PIGB: variants seen among roughly 807,000 people sequenced by gnomAD.
PIGB encodes GPI alpha-1,2-mannosyltransferase 3.
Under a neutral mutation model 68.4 loss-of-function variants are expected in PIGB, and 58 were observed. The ratio of observed to expected loss-of-function variants is 0.85; its 90% confidence interval spans 0.69 to 1.06. The LOEUF is 1.06. Among genes scored for constraint, PIGB ranks in the 50% least tolerant of loss-of-function variants. The pLI, the probability that PIGB is intolerant of heterozygous loss-of-function variation, is 0.00. For synonymous variants in PIGB, 219 were observed against 220.5 expected, an observed-to-expected ratio of 0.99 and a Z score of 0.06; for missense variants, 634 against 655.8, an observed-to-expected ratio of 0.97 and a Z score of 0.36.
intron 10 of PIGB, 162 bp from the exon 11 acceptor site, chr15:55,354,636 T>TA (rs1400788678): frequency 3.3e-6 from 2 of 604,830 alleles, no homozygotes; most frequent in South Asian, 2.4e-5. Context: ...ATGTTTTTTT[T>TA]ATCTTTGAGA....
chr15:55,327,234 A>G (rs2055312990), intron 3 of PIGB, among the ~76,000 whole-genome samples: 1 of 147,678 alleles, frequency 6.8e-6, no homozygotes, highest in South Asian at 2.1e-4. Flanking sequence ...ATATATTTAT[A>G]TTTATAATAT....
chr15:55,324,862 T>C (rs1349783642), intron 3 of PIGB: 2 of 937,828 alleles, frequency 2.1e-6, no homozygotes, highest in Non-Finnish European at 1.3e-6. Flanking sequence ...TTTTCCTGTA[T>C]TTTACAGGGC....
intron 5 of PIGB, among the ~76,000 whole-genome samples, chr15:55,330,722 G>A (rs981147476): frequency 8.5e-5 from 13 of 152,134 alleles, no homozygotes; most frequent in African/African-American, 3.1e-4. Context: ...AACTTCTTTT[G>A]TAATAGCAGT....
intron 8 of PIGB, among the ~76,000 whole-genome samples, chr15:55,341,253 G>A (rs1479170982): frequency 6.6e-6 from 1 of 152,118 alleles, no homozygotes; most frequent in Admixed American, 6.5e-5. Flanking sequence ...CCTAGCTATT[G>A]GGGAAGCTGA....
At chr15:55,341,504 G>A (rs2141201586) in intron 8 of PIGB, among the ~76,000 whole-genome samples, 1 of 152,242 alleles carries the variant, frequency 6.6e-6, no homozygotes, top group Admixed American at 6.5e-5. Context: ...TTTTTAGAAT[G>A]TAACTGTACT....
chr15:55,350,545 T>G, intron 9 of PIGB, 154 bp from the exon 10 acceptor site: 1 of 624,788 alleles, frequency 1.6e-6, no homozygotes, highest in South Asian at 1.9e-5. Flanking sequence ...TAGTGAATGG[T>G]GAATGGTCAG....
intron 3 of PIGB, 38 bp downstream of exon 3, chr15:55,321,428 C>T (rs2055160443): frequency 6.6e-7 from 1 of 1,525,242 alleles, no homozygotes; most frequent in Non-Finnish European, 8.8e-7. Flanking sequence ...ATATTGGGGC[C>T]ATGGAATTTG....
chr15:55,323,997 C>T (rs1002416416), intron 3 of PIGB, among the ~76,000 whole-genome samples: 2 of 152,188 alleles, frequency 1.3e-5, no homozygotes, highest in African/African-American at 4.8e-5. Flanking sequence ...AAGTGATTCT[C>T]CTGCCTCAGC....
intron 9 of PIGB, among the ~76,000 whole-genome samples, chr15:55,347,300 C>G (rs909362893): frequency 7.9e-5 from 12 of 152,166 alleles, no homozygotes; most frequent in African/African-American, 1.2e-4. Flanking sequence ...GCGGCAGGCA[C>G]CTGTAATCCC....
intron 5 of PIGB, 89 bp downstream of exon 5, chr15:55,329,943 C>G: frequency 1.1e-6 from 1 of 906,262 alleles, no homozygotes; most frequent in Non-Finnish European, 1.6e-6. Flanking sequence ...TAGTAGACCC[C>G]CTAATTTTCA....
intron 3 of PIGB, among the ~76,000 whole-genome samples, chr15:55,325,269 T>C (rs1244264779): frequency 6.6e-6 from 1 of 152,040 alleles, no homozygotes; most frequent in African/African-American, 2.4e-5. Context: ...GAGGTTGCCA[T>C]GAGCCAAGAT....
intron 10 of PIGB, among the ~76,000 whole-genome samples, chr15:55,353,819 G>C (rs1475947077): frequency 1.3e-5 from 2 of 151,742 alleles, no homozygotes; most frequent in African/African-American, 4.8e-5. Flanking sequence ...TGGCCAGGCT[G>C]GTCTTGAACT....
chr15:55,330,803 T>C lies in PIGB; in HGVS notation c.653+949T>C, dbSNP rs530905470. On this transcript the variant is annotated intron_variant, in intron 5 of 11. Transcript: ENST00000164305. ...TTAAAATTCTAGTATCCATTCTTCCTACACAAAAGGTTGTTAGGATGATCA... is the reference window on the plus strand; with the variant it reads ...TTAAAATTCTAGTATCCATTCTTCCCACACAAAAGGTTGTTAGGATGATCA... Among the ~76,000 whole-genome samples the C allele has an allele frequency of 2.0e-5, 3 of 152,360 alleles. No homozygotes were observed. The East Asian group carries it at 5.8e-4, about 29-fold the overall frequency.
chr15:55,321,655 T>C (rs1331985903), intron 3 of PIGB, among the ~76,000 whole-genome samples: 1 of 143,676 alleles, frequency 7.0e-6, no homozygotes, highest in Non-Finnish European at 1.5e-5. Context: ...TCTTTTTTTT[T>C]TTTTTTTTTT....
intron 4 of PIGB, 67 bp from the exon 5 acceptor site, chr15:55,329,657 G>A: frequency 8.1e-7 from 1 of 1,226,998 alleles, no homozygotes; most frequent in South Asian, 1.5e-5. Context: ...TTGCTATTTA[G>A]AAGATAATAT....
Position 55,327,641 on chromosome 15 carries a change from T to A in PIGB, c.522+6T>A. On this transcript the variant is annotated splice_donor_region_variant and intron_variant, in intron 4 of 11. Coordinates refer to ENST00000164305, the MANE Select transcript of PIGB (RefSeq NM_004855.5). ...AGGAAGTGGCAAGATGGGTGGTAAG[T>A]CCTAAATACTTTAGAAGCTGTATGC... 6.5e-7 allele frequency: 1 copy of A among 1,531,842 alleles called. No homozygotes were observed. The highest frequency in any genetic ancestry group is 9.0e-7 in the Non-Finnish European group (1 of 1,107,904). The allele number at this position is 1,531,842 out of a possible 1,614,324, so 94.9% of individuals were successfully genotyped here. A position where few individuals can be genotyped will look rare whatever the true frequency, so the allele number is the denominator to read the frequency against.
In PIGB at chr15:55,319,337, C is replaced by A. The variant is rs1041946184; in HGVS notation, c.87C>A (p.His29Gln). Residue 29 changes from histidine (H) to glutamine (Q), a missense_variant, in exon 1 of 12, where the codon CAC becomes CAA. By Grantham distance (24) the His-to-Gln change is conservative. Transcript: ENST00000164305. The part of the protein sequence containing the change: ...LTLHGLQNRS[H>Q]GKIKLRKRKS... ...TGCATGGTCTCCAGAACCGCTCCCA[C>A]GGCAAGATAAAGCTGCGAAAGAGAA... is the stretch of plus-strand genomic sequence containing the variant. 1 of 1,582,466 alleles carries A rather than the reference C, an allele frequency of 6.3e-7. No individual in the cohort carries two copies. The highest frequency in any genetic ancestry group is 1.7e-4 in the Middle Eastern group (1 of 6,022).
chr15:55,322,029 C>T lies in PIGB; in HGVS notation c.417+639C>T, dbSNP rs2055180287. On this transcript the variant is annotated intron_variant, in intron 3 of 11. Transcript: ENST00000164305. ...GTCTCTACTAAAAATACAAAATTAG[C>T]CGGGTGTGGTCGCGCATGCCTGTAA... Among the ~76,000 whole-genome samples, 3 of 151,716 alleles carry T rather than the reference C, an allele frequency of 2.0e-5. No individual in the cohort carries two copies. The South Asian group carries it at 6.3e-4, about 32-fold the overall frequency.
At chr15:55,325,307 C>G in intron 3 of PIGB, among the ~76,000 whole-genome samples, 1 of 152,054 alleles carries the variant, frequency 6.6e-6, no homozygotes, top group African/African-American at 2.4e-5. Flanking sequence ...GCCTGGATGA[C>G]AGAGTGAGAC....
Sources: gnomAD v4.1 joint callset for allele counts (sites outside exome capture counted in the v4.1 genomes callset) on GRCh38, gnomAD v4.1.1 for gene constraint, MANE v1.5 for transcripts, NCBI Gene and HGNC (gene_info 2026-07-23, HGNC 2026-07-21) for gene names.